The following BCAS1 variants were observed in gnomAD, a reference collection of about 807,000 sequenced individuals.
BCAS1 encodes the protein brain enriched myelin associated protein 1.
BCAS1 carries 46 observed loss-of-function variants against 65.4 expected under a neutral mutation model. The observed-to-expected ratio is 0.70, with a 90% confidence interval of 0.55 to 0.90. The LOEUF is 0.90. Among genes scored for constraint, BCAS1 ranks in the 40% least tolerant of loss-of-function variants. BCAS1 has a pLI of 0.00. For missense variants in BCAS1, 793 were observed against 771.2 expected (o/e 1.03, Z -0.33); for synonymous variants, 298 against 293.5 (o/e 1.02, Z -0.16).
chr20:54,058,011 TTTC>T, intron 3 of BCAS1, 71 bp downstream of exon 3: 1 of 1,097,210 alleles, frequency 9.1e-7, no homozygotes, highest in East Asian at 2.5e-5. Context: ...TTTTTTTTTT[TTTC>T]ACCGTAAACA....
chr20:54,026,674 A>G (rs1023506800), intron 4 of BCAS1, among the ~76,000 whole-genome samples: 2 of 152,388 alleles, frequency 1.3e-5, no homozygotes, highest in Non-Finnish European at 2.9e-5. Context: ...CCTATGACCA[A>G]TAATGAGAAT....
At chr20:54,049,779 T>C (rs2092178164) in intron 3 of BCAS1, among the ~76,000 whole-genome samples, 1 of 152,176 alleles carries the variant, frequency 6.6e-6, no homozygotes, top group African/African-American at 2.4e-5. Flanking sequence ...CTGCTGTTTT[T>C]AGAGCTCCCC....
chr20:54,019,682 C>A (rs994638514), intron 4 of BCAS1, among the ~76,000 whole-genome samples: 4 of 152,180 alleles, frequency 2.6e-5, no homozygotes, highest in African/African-American at 4.8e-5. Context: ...ATGGCTAGAA[C>A]AAAGCAGGTG....
chr20:54,028,328 C>G, intron 4 of BCAS1, 64 bp downstream of exon 4: 1 of 1,565,930 alleles, frequency 6.4e-7, no homozygotes. Context: ...GTGCAGTGGT[C>G]TTATCCCATT....
rs1391503070 is a variant in BCAS1, at chr20:54,031,431, C to T, written c.143-2459G>A. Among the ~76,000 whole-genome samples the T allele has an allele frequency of 4.0e-5, 6 of 151,380 alleles. No individual in the cohort carries two copies. In the East Asian group the frequency reaches 9.6e-4, roughly 24 times the overall value. On this transcript the variant is annotated intron_variant, in intron 3 of 12. Coordinates refer to ENST00000688948, the MANE Select transcript of BCAS1 (RefSeq NM_001366298.2). ...CGTTCCATGCAACTGAAGCTCTGCT[C>T]TCCAAATTTAGGTGGGTACATACCC...
intron 3 of BCAS1, among the ~76,000 whole-genome samples, chr20:54,049,571 C>T (rs1225250390): frequency 1.4e-5 from 2 of 143,624 alleles, no homozygotes; most frequent in South Asian, 2.2e-4. Context: ...ATAGCCTCTA[C>T]TTTTTTTTTT....
rs2090240633 is a variant in BCAS1, at chr20:53,973,574, CA to C, written c.1317+1814del. Among the ~76,000 whole-genome samples, 11 of 152,262 alleles carry C rather than the reference CA, an allele frequency of 7.2e-5. No individual in the cohort carries two copies. The South Asian group carries it at 2.3e-3, about 32-fold the overall frequency. On this transcript the variant is annotated intron_variant, in intron 9 of 12. Transcript: ENST00000688948. Reference sequence around the variant, plus strand: ...AAACAAGCAACTACACACAAACATCCAAAAAGTTTTTCTTTAGAAAACTCAG... The same window carrying C: ...AAACAAGCAACTACACACAAACATCCAAAAGTTTTTCTTTAGAAAACTCAG...
chr20:54,042,287 T>G lies in BCAS1; in HGVS notation c.143-13315A>C, dbSNP rs540924036. 3.9e-5 allele frequency among the ~76,000 whole-genome samples: 6 copies of G among 152,180 alleles called. No homozygotes were observed. In the South Asian group the frequency reaches 1.2e-3, roughly 32 times the overall value. The stretch of plus-strand genomic sequence containing the variant: ...GAAGTCGATCAGAAAAAATAACTAG[T>G]GGGTACTAGGCTTAGTACCCGGGTG... On this transcript the variant is annotated intron_variant, in intron 3 of 12. Transcript: ENST00000688948.
Position 54,064,493 on chromosome 20 carries a change from G to A in BCAS1, c.-5-5770C>T, listed in dbSNP as rs181921955. 7.2e-3 allele frequency among the ~76,000 whole-genome samples: 1,096 copies of A among 152,310 alleles called. 5 individuals carry two copies. Among genetic ancestry groups the A allele is most frequent in the Non-Finnish European group, 0.01 (683 of 68,016 alleles). On this transcript the variant is annotated intron_variant, in intron 1 of 12. Coordinates refer to ENST00000688948, the MANE Select transcript of BCAS1 (RefSeq NM_001366298.2). ...GCTTTGCTGACGCACTGTTTCGTGA[G>A]CTTGCAAATCAAGAGAACTGTCCTG...
intron 8 of BCAS1, among the ~76,000 whole-genome samples, chr20:53,984,430 G>A (rs1006109770): frequency 6.6e-6 from 1 of 152,168 alleles, no homozygotes; most frequent in Non-Finnish European, 1.5e-5. Context: ...AAGGGGCCCC[G>A]CATCCAGCTG....
intron 3 of BCAS1, among the ~76,000 whole-genome samples, chr20:54,031,638 A>T (rs1389745269): frequency 6.6e-6 from 1 of 151,428 alleles, no homozygotes; most frequent in African/African-American, 2.4e-5. Context: ...GAACCTGGAA[A>T]TCCAGGAAGC....
chr20:53,963,468 G>A (rs1345738097), intron 10 of BCAS1, among the ~76,000 whole-genome samples: 2 of 151,434 alleles, frequency 1.3e-5, no homozygotes, highest in East Asian at 1.9e-4. Flanking sequence ...GGGACAAAGC[G>A]AGACTGTCTC....
In BCAS1 at chr20:53,966,958, T is replaced by C. The variant is rs990237671; in HGVS notation, c.1433A>G (p.Lys478Arg). 6.2e-7 allele frequency: 1 copy of C among 1,612,684 alleles called. No homozygotes were observed. Among genetic ancestry groups the C allele is most frequent in the Non-Finnish European group, 8.5e-7 (1 of 1,179,124 alleles). The change falls in exon 10 of 13, where the codon AAA becomes AGA. Residue 478 changes from lysine (K) to arginine (R), a missense_variant. Physicochemically the swap from Lys to Arg is conservative, Grantham distance 26. Transcript: ENST00000688948. The stretch of plus-strand genomic sequence containing the variant: ...GGTTCTTGGTTTGCTTTCTTCTCTT[T>C]TGAGTTTCGCTTCTGTGGGTTCAGG... The part of the protein sequence containing the change: ...AAPEPTEAKL[K>R]REESKPRTSL...
chr20:54,049,453 T>G (rs1231555260), intron 3 of BCAS1, among the ~76,000 whole-genome samples: 2 of 152,156 alleles, frequency 1.3e-5, no homozygotes, highest in African/African-American at 4.8e-5. Flanking sequence ...TCAGGCATTT[T>G]TATTTCTCCA....
At chr20:54,002,335 A>ATC (rs1301817788) in intron 4 of BCAS1, among the ~76,000 whole-genome samples, 1 of 152,094 alleles carries the variant, frequency 6.6e-6, no homozygotes, top group African/African-American at 2.4e-5. Context: ...GAGAACACCT[A>ATC]TCCTTGTTGC....
chr20:53,975,240 C>A, intron 9 of BCAS1, 149 bp downstream of exon 9: 1 of 598,456 alleles, frequency 1.7e-6, no homozygotes, highest in Non-Finnish European at 2.9e-6. Flanking sequence ...CCATGCGTCC[C>A]TAATCACATA....
At chr20:53,976,958 A>G (rs1311270396) in intron 8 of BCAS1, among the ~76,000 whole-genome samples, 1 of 152,242 alleles carries the variant, frequency 6.6e-6, no homozygotes, top group African/African-American at 2.4e-5. Context: ...ACTGCTATAA[A>G]GATATACCTG....
At chr20:54,025,002 T>G (rs2091640926) in intron 4 of BCAS1, among the ~76,000 whole-genome samples, 2 of 152,328 alleles carry the variant, frequency 1.3e-5, no homozygotes, top group South Asian at 4.1e-4. Flanking sequence ...CTTACTAGAT[T>G]ATACACTCCT....
At chr20:54,001,773 C>G (rs1456462473) in intron 4 of BCAS1, among the ~76,000 whole-genome samples, 1 of 152,166 alleles carries the variant, frequency 6.6e-6, no homozygotes, top group Non-Finnish European at 1.5e-5. Context: ...TTAATTGGCT[C>G]TATGTGTAGT....
Sources: gnomAD v4.1 joint callset for allele counts (sites outside exome capture counted in the v4.1 genomes callset) on GRCh38, gnomAD v4.1.1 for gene constraint, MANE v1.5 for transcripts, NCBI Gene and HGNC (gene_info 2026-07-23, HGNC 2026-07-21) for gene names.